Variants in CPLX2 observed in about 807,000 individuals in gnomAD.
CPLX2 encodes complexin-2.
CPLX2 carries 5 observed loss-of-function variants against 16.3 expected under a neutral mutation model. The ratio of observed to expected loss-of-function variants is 0.31; its 90% CI spans 0.16 to 0.64. CPLX2 has a LOEUF of 0.64. CPLX2 is among the 30% of genes least tolerant of loss of function. The pLI, the probability that CPLX2 is intolerant of heterozygous loss-of-function variation, is 0.79. For missense variants in CPLX2, 144 were observed against 181.4 expected, an observed-to-expected ratio of 0.79 and a Z score of 1.18; for synonymous variants, 89 against 73.2, an observed-to-expected ratio of 1.22 and a Z score of -1.10.
At chr5:175,876,038 AG>A (rs941624483) in intron 1 of CPLX2, among the ~76,000 whole-genome samples, 2 of 152,106 alleles carry the variant, frequency 1.3e-5, no homozygotes, top group African/African-American at 4.8e-5. Context: ...GTTAAGTTTG[AG>A]GGGTGCCCAC....
intron 2 of CPLX2, among the ~76,000 whole-genome samples, chr5:175,864,144 G>C (rs1206605783): frequency 6.8e-6 from 1 of 147,374 alleles, no homozygotes; most frequent in Non-Finnish European, 1.5e-5. Flanking sequence ...TGTTTGATTA[G>C]AGCCACACAA....
At chr5:175,867,219 T>G (rs1401353640), upstream of CPLX2, among the ~76,000 whole-genome samples, 2 of 152,152 alleles carry the variant, frequency 1.3e-5, no homozygotes, top group African/African-American at 4.8e-5. Flanking sequence ...TGACACATTT[T>G]GCCTGCATAC....
At chr5:175,814,203 G>T (rs1474210712) in intron 2 of CPLX2, among the ~76,000 whole-genome samples, 1 of 152,258 alleles carries the variant, frequency 6.6e-6, no homozygotes, top group African/African-American at 2.4e-5. Flanking sequence ...AATGTCTCCA[G>T]GCCCCACCAC....
intron 2 of CPLX2, among the ~76,000 whole-genome samples, chr5:175,842,595 C>T (rs528270436): frequency 5.9e-5 from 9 of 152,368 alleles, no homozygotes; most frequent in African/African-American, 2.2e-4. Context: ...TCCAGCACCC[C>T]GTGGAAGGAC....
At chr5:175,817,031 C>T (rs7448069) in intron 2 of CPLX2, among the ~76,000 whole-genome samples, 7,683 of 152,320 alleles carry the variant, frequency 0.05, 275 homozygotes, top group Non-Finnish European at 0.075. Flanking sequence ...AGGGCTCAGA[C>T]GCCAGTGCAC....
intron 1 of CPLX2, among the ~76,000 whole-genome samples, chr5:175,797,671 C>G (rs1056670921): frequency 8.5e-5 from 13 of 152,118 alleles, no homozygotes; most frequent in African/African-American, 3.1e-4. Context: ...GGAAGCCTCA[C>G]GAACGGGACA....
At chr5:175,822,149 C>T (rs1436968626) in intron 2 of CPLX2, among the ~76,000 whole-genome samples, 1 of 152,052 alleles carries the variant, frequency 6.6e-6, no homozygotes, top group Admixed American at 6.5e-5. Flanking sequence ...ACCGATCTCA[C>T]CACCTTCTCC....
At chr5:175,850,103 G>A (rs1759120483) in intron 2 of CPLX2, among the ~76,000 whole-genome samples, 1 of 152,166 alleles carries the variant, frequency 6.6e-6, no homozygotes, top group South Asian at 2.1e-4. Flanking sequence ...TGAGGAACCT[G>A]CTGTTGATGC....
intron 2 of CPLX2, among the ~76,000 whole-genome samples, chr5:175,816,205 G>A (rs1201529341): frequency 6.6e-6 from 1 of 151,554 alleles, no homozygotes; most frequent in Non-Finnish European, 1.5e-5. Flanking sequence ...GTCTCACTCT[G>A]TCGCCAGGCT....
intron 2 of CPLX2, among the ~76,000 whole-genome samples, chr5:175,857,063 G>A (rs1294454086): frequency 6.6e-6 from 1 of 152,146 alleles, no homozygotes; most frequent in Non-Finnish European, 1.5e-5. Context: ...ACCTCCAAAT[G>A]GCCCCCATCT....
intron 1 of CPLX2, among the ~76,000 whole-genome samples, chr5:175,797,465 C>T (rs949669441): frequency 2.0e-5 from 3 of 152,150 alleles, no homozygotes; most frequent in Admixed American, 6.5e-5. Context: ...GAGGTCCCGG[C>T]GGGGAGGAAG....
chr5:175,864,258 C>T (rs1178670438), intron 2 of CPLX2, among the ~76,000 whole-genome samples: 1 of 152,214 alleles, frequency 6.6e-6, no homozygotes, highest in Non-Finnish European at 1.5e-5. Context: ...TGAGATTTAA[C>T]TCCCTGTCTT....
chr5:175,865,042 T>C (rs1323004057), intron 2 of CPLX2, among the ~76,000 whole-genome samples: 1 of 151,458 alleles, frequency 6.6e-6, no homozygotes, highest in African/African-American at 2.4e-5. Flanking sequence ...CCTCCCTTCA[T>C]CCAACCCTCC....
rs1052105275 is a variant in CPLX2 at position 175,809,632 on chromosome 5, C to A, written c.-89+564C>A. The stretch of plus-strand genomic sequence containing the variant: ...AGCTCAACATCCCCCATGCCACCCC[C>A]TCCCCAGCCCAGGATCCCAACCATC... On this transcript the variant is annotated intron_variant, in intron 2 of 4. Coordinates refer to the CPLX2 transcript ENST00000359546. The surrounding 1 kb of genome is among the most constrained non-coding windows in gnomAD (Gnocchi z 4.4). Among the ~76,000 whole-genome samples, 2 of 152,152 alleles carry A rather than the reference C, an allele frequency of 1.3e-5. No homozygotes were observed. The highest frequency in any genetic ancestry group is 6.5e-5 in the Admixed American group (1 of 15,272).
At chr5:175,870,896 T>G (rs1759575717), upstream of CPLX2, among the ~76,000 whole-genome samples, 1 of 152,026 alleles carries the variant, frequency 6.6e-6, no homozygotes, top group African/African-American at 2.4e-5. Flanking sequence ...ACTGCGAGGG[T>G]CTTGCCCACA....
chr5:175,833,901 G>A (rs1038507591), intron 2 of CPLX2, among the ~76,000 whole-genome samples: 1 of 151,854 alleles, frequency 6.6e-6, no homozygotes, highest in Admixed American at 6.6e-5. Context: ...GTGAGCTGGG[G>A]ACCCATCTAA....
At position 175,854,349 on chromosome 5, in the gene CPLX2, GT is replaced by G. The variant is rs1759211714; in HGVS notation, c.-88-24300del. Among the ~76,000 whole-genome samples, 3 of 152,112 alleles carry G rather than the reference GT, an allele frequency of 2.0e-5. No individual in the cohort carries two copies. In the South Asian group the frequency reaches 6.2e-4, roughly 32 times the overall value. On this transcript the variant is annotated intron_variant, in intron 2 of 4. Coordinates refer to the CPLX2 transcript ENST00000359546. ...CTTGCTGCCTGCCATCCCAGCCTAG[GT>G]TTCCTCCATAAAGTCACTGGGGAAG...
chr5:175,797,111 G>A (rs370340445), intron 1 of CPLX2, among the ~76,000 whole-genome samples: 12 of 152,184 alleles, frequency 7.9e-5, no homozygotes, highest in African/African-American at 2.9e-4. Context: ...GGCTGCTAAG[G>A]ACCGTCCCTC....
intron 2 of CPLX2, among the ~76,000 whole-genome samples, chr5:175,814,392 C>G (rs1411269705): frequency 6.6e-6 from 1 of 152,236 alleles, no homozygotes; most frequent in Non-Finnish European, 1.5e-5. Context: ...GGATCTGAAA[C>G]AGACCCTAGG....
Sources: allele counts gnomAD v4.1 joint callset (sites outside exome capture counted in the v4.1 genomes callset), GRCh38; gene constraint gnomAD v4.1.1; non-coding constraint Gnocchi (gnomAD v3.1); transcripts MANE v1.5; gene names NCBI Gene and HGNC (gene_info 2026-07-23, HGNC 2026-07-21).